LPP: variants seen among roughly 807,000 people sequenced by gnomAD.
LPP encodes the protein LIM domain containing preferred translocation partner in lipoma.
LPP carries 38 observed loss-of-function variants against 60.4 expected under a neutral mutation model. The observed-to-expected ratio is 0.63, with a 90% confidence interval of 0.49 to 0.83. The LOEUF (loss-of-function observed/expected upper bound fraction) is 0.83, where lower values mean the gene tolerates loss of function less well. Among genes scored for constraint, LPP ranks in the 40% least tolerant of loss-of-function variants. The pLI is 0.00. For missense variants in LPP, 902 were observed against 783.6 expected, an observed-to-expected ratio of 1.15 and a Z score of -1.80; for synonymous variants, 328 against 290.8, an observed-to-expected ratio of 1.13 and a Z score of -1.30.
At position 188,644,288 on chromosome 3, in the gene LPP, G is replaced by T. The variant is rs546342827; in HGVS notation, c.1113+34444G>T. Reference sequence around the variant, plus strand: ...CAAGTTCAGGATCAATGAGTATCCAGTTTAGCTAAAGAAAACAATTCTAGT... The same window carrying T: ...CAAGTTCAGGATCAATGAGTATCCATTTTAGCTAAAGAAAACAATTCTAGT... On this transcript the variant is annotated intron_variant, in intron 7 of 11. Transcript: ENST00000617246. 4.3e-4 allele frequency among the ~76,000 whole-genome samples: 65 copies of T among 152,282 alleles called. 1 individual carries two copies. Among genetic ancestry groups the T allele is most frequent in the African/African-American group, 1.4e-3 (59 of 41,560 alleles).
At chr3:188,501,894 G>A (rs936007627) in intron 5 of LPP, among the ~76,000 whole-genome samples, 81 of 151,952 alleles carry the variant, frequency 5.3e-4, no homozygotes, top group African/African-American at 1.9e-3. Flanking sequence ...TCCAGCCTGG[G>A]CAACAGTGTG....
chr3:188,406,204 C>T lies in LPP; in HGVS notation c.84C>T (p.Ser28=), dbSNP rs1326628112. The T allele has an allele frequency of 6.2e-7, 1 of 1,614,184 alleles. No individual in the cohort carries two copies. Among genetic ancestry groups the T allele is most frequent in the South Asian group, 1.1e-5 (1 of 91,088 alleles). ...CTGCACGGATGGAGACCACCCATTC[C>T]TTTGGGAACCCCAGCATTTCAGTGT... is the stretch of plus-strand genomic sequence containing the variant. ...HVPARMETTH[S]FGNPSISVST... Residue 28 remains serine (S), a synonymous_variant, in exon 4 of 12, where the codon TCC becomes TCT. Transcript: ENST00000617246.
intron 2 of LPP, chr3:188,247,327 A>G: frequency 5.2e-6 from 1 of 193,176 alleles, no homozygotes; most frequent in Non-Finnish European, 9.5e-6. Context: ...TTGGTAGGAG[A>G]GCAATACCTT....
intron 1 of LPP, chr3:188,179,579 C>A: frequency 2.3e-6 from 1 of 431,228 alleles, no homozygotes; most frequent in Non-Finnish European, 4.7e-6. Flanking sequence ...AGAGGTCTGT[C>A]TCCTGCCAGC....
intron 1 of LPP, among the ~76,000 whole-genome samples, chr3:188,186,481 A>G (rs534916186): frequency 6.6e-6 from 1 of 152,304 alleles, no homozygotes; most frequent in Admixed American, 6.5e-5. Flanking sequence ...AAAGAGTGAC[A>G]TCTTGTAATG....
At chr3:188,760,310 C>T in intron 9 of LPP, 28 bp downstream of exon 9, 1 of 1,613,230 alleles carries the variant, frequency 6.2e-7, no homozygotes, top group Non-Finnish European at 8.5e-7. Context: ...TCCTCAAGCA[C>T]TTTGCAAAGA....
chr3:188,657,646 C>T (rs545287292), intron 7 of LPP, among the ~76,000 whole-genome samples: 1 of 151,746 alleles, frequency 6.6e-6, no homozygotes, highest in Non-Finnish European at 1.5e-5. Context: ...GTCTTTTTAC[C>T]CCATATTTCT....
intron 2 of LPP, among the ~76,000 whole-genome samples, chr3:188,240,974 A>G (rs1577485299): frequency 1.3e-5 from 2 of 152,308 alleles, no homozygotes; most frequent in African/African-American, 4.8e-5. Context: ...TTATTTTTAA[A>G]TGAAAAATGT....
intron 4 of LPP, among the ~76,000 whole-genome samples, chr3:188,415,074 T>C (rs746348183): frequency 2.0e-5 from 3 of 152,172 alleles, no homozygotes; most frequent in Non-Finnish European, 4.4e-5. Flanking sequence ...AATTCTTGTA[T>C]GGTTCAAAAA....
intron 3 of LPP, among the ~76,000 whole-genome samples, chr3:188,371,648 T>C (rs1197223802): frequency 3.9e-5 from 2 of 51,838 alleles, no homozygotes; most frequent in African/African-American, 1.4e-4. Context: ...TATATTTTTT[T>C]TTTTTTTTTT....
chr3:188,618,734 C>G lies in LPP; in HGVS notation c.1113+8890C>G, dbSNP rs76965087. 5.1e-3 allele frequency among the ~76,000 whole-genome samples: 779 copies of G among 152,296 alleles called. 1 individual carries two copies. Among genetic ancestry groups the G allele is most frequent in the Middle Eastern group, 0.01 (3 of 294 alleles). On this transcript the variant is annotated intron_variant, in intron 7 of 11. Coordinates refer to ENST00000617246, the MANE Select transcript of LPP (RefSeq NM_001375462.1). ...TTAAGGAGCTGAAACTGTGCATACC[C>G]TAAGTCTGAATTCAAGGTAAGAGGT...
chr3:188,643,151 T>A (rs1336643205), intron 7 of LPP, among the ~76,000 whole-genome samples: 1 of 152,218 alleles, frequency 6.6e-6, no homozygotes, highest in African/African-American at 2.4e-5. Context: ...AGAAATTGAA[T>A]ATTCATTATT....
chr3:188,848,004 G>C (rs997482050), intron 9 of LPP, among the ~76,000 whole-genome samples: 2 of 152,162 alleles, frequency 1.3e-5, no homozygotes, highest in Admixed American at 1.3e-4. Flanking sequence ...GCACTTGTGG[G>C]ACCCTGACGG....
chr3:188,808,836 C>T (rs1749987625), intron 9 of LPP, among the ~76,000 whole-genome samples: 1 of 152,124 alleles, frequency 6.6e-6, no homozygotes, highest in Admixed American at 6.6e-5. Context: ...TCCCTTTGCC[C>T]CCATCCCCCA....
At chr3:188,320,859 A>G (rs1756726153) in intron 2 of LPP, among the ~76,000 whole-genome samples, 2 of 152,196 alleles carry the variant, frequency 1.3e-5, no homozygotes, top group Non-Finnish European at 2.9e-5. Flanking sequence ...TAGAAAAAAG[A>G]GATTGTTTCA....
intron 2 of LPP, among the ~76,000 whole-genome samples, chr3:188,283,625 G>A (rs1742881421): frequency 6.6e-6 from 1 of 152,178 alleles, no homozygotes; most frequent in African/African-American, 2.4e-5. Flanking sequence ...GAAAGAGGAT[G>A]CGTGATACTA....
intron 2 of LPP, among the ~76,000 whole-genome samples, chr3:188,314,955 G>A (rs1341654619): frequency 6.6e-6 from 1 of 151,758 alleles, no homozygotes; most frequent in Non-Finnish European, 1.5e-5. Context: ...TGCCTTTTTT[G>A]GAGTGAAGAA....
At chr3:188,671,183 C>T (rs940319734) in intron 7 of LPP, among the ~76,000 whole-genome samples, 2 of 152,142 alleles carry the variant, frequency 1.3e-5, no homozygotes, top group African/African-American at 4.8e-5. Context: ...GTTATTATAA[C>T]GACCATAGAT....
intron 1 of LPP, among the ~76,000 whole-genome samples, chr3:188,173,376 C>T (rs1356181358): frequency 2.6e-5 from 4 of 151,958 alleles, no homozygotes; most frequent in African/African-American, 4.8e-5. Flanking sequence ...TGGTGGCTCA[C>T]GCCTGTAGTA....
Sources: gnomAD v4.1 joint callset for allele counts (sites outside exome capture counted in the v4.1 genomes callset) on GRCh38, gnomAD v4.1.1 for gene constraint, MANE v1.5 for transcripts, NCBI Gene and HGNC (gene_info 2026-07-23, HGNC 2026-07-21) for gene names.